Variants in C10orf105 observed in about 807,000 individuals in gnomAD.
The protein encoded by C10orf105 is chromosome 10 open reading frame 105.
Under a neutral mutation model 0.6 loss-of-function variants are expected in C10orf105, and 2 were observed. The observed-to-expected ratio is 3.18, with a 90% CI of 1.30 to 10.01. C10orf105 has a LOEUF of 10.01. C10orf105 is among the 30% of genes most tolerant of loss of function. The probability of loss-of-function intolerance (pLI) is 0.04; values close to 1 mark genes in which losing one functional copy is unlikely to be tolerated. For missense variants in C10orf105, 209 were observed against 191.4 expected (o/e 1.09, Z -0.54); for synonymous variants, 95 against 82.4 (o/e 1.15, Z -0.83).
chr10:71,732,685 A>C, intron 1 of C10orf105: 1 of 1,327,388 alleles, frequency 7.5e-7, no homozygotes, highest in Non-Finnish European at 9.6e-7. Flanking sequence ...TAACACATCC[A>C]TTTTCATATG....
At chr10:71,736,397 C>T in intron 1 of C10orf105, among the ~76,000 whole-genome samples, 1 of 152,244 alleles carries the variant, frequency 6.6e-6, no homozygotes, top group East Asian at 1.9e-4. Flanking sequence ...CTCCACCTGG[C>T]TCCTCCCTGT....
chr10:71,728,289 A>G (rs550878217), intron 1 of C10orf105, among the ~76,000 whole-genome samples: 1 of 151,208 alleles, frequency 6.6e-6, no homozygotes, highest in African/African-American at 2.4e-5. Flanking sequence ...TGGAGTGGAC[A>G]TGTTAGTTTG....
In C10orf105 at chr10:71,714,161, A is replaced by G. The variant is rs1866109229; in HGVS notation, c.*1775T>C. Reference sequence around the variant, plus strand: ...AGCCGGACTCACTTTTTGAGATCAGATTGACTTGGAAGGAAGGGACAGTGG... The same window carrying G: ...AGCCGGACTCACTTTTTGAGATCAGGTTGACTTGGAAGGAAGGGACAGTGG... On this transcript the variant is annotated 3_prime_UTR_variant, in exon 2 of 2. Coordinates refer to ENST00000441508, the MANE Select transcript of C10orf105 (RefSeq NM_001164375.3). 1.3e-5 allele frequency: 2 copies of G among 152,044 alleles called. No individual in the cohort carries two copies. The highest frequency in any genetic ancestry group is 4.2e-4 in the South Asian group (2 of 4,816). 9.4% of individuals were successfully genotyped at this position (152,044 alleles called of 1,614,324 possible).
chr10:71,718,661 C>T (rs764949889), intron 1 of C10orf105, among the ~76,000 whole-genome samples: 1 of 152,246 alleles, frequency 6.6e-6, no homozygotes, highest in Non-Finnish European at 1.5e-5. Flanking sequence ...ATGGGAGATG[C>T]CTCAATCCTA....
At chr10:71,724,358 T>C (rs1337835676), upstream of C10orf105, among the ~76,000 whole-genome samples, 1 of 152,206 alleles carries the variant, frequency 6.6e-6, no homozygotes, top group African/African-American at 2.4e-5. Flanking sequence ...AGTGGCGTGA[T>C]CTCGGCCTAC....
chr10:71,728,189 T>TC (rs965340988), intron 1 of C10orf105, among the ~76,000 whole-genome samples: 3 of 151,438 alleles, frequency 2.0e-5, no homozygotes, highest in Non-Finnish European at 4.4e-5. Flanking sequence ...CCATGCAAAC[T>TC]CCCCCCCGCA....
chr10:71,715,035 T>G lies in C10orf105; in HGVS notation c.*901A>C, dbSNP rs995147566. On this transcript the variant is annotated 3_prime_UTR_variant, in exon 2 of 2. Coordinates refer to ENST00000441508, the MANE Select transcript of C10orf105 (RefSeq NM_001164375.3). ...ATAGCATCCCTAGTGTGGGCAGGAC[T>G]TGGGACCCCACAGCTGTCCTGGAGA... is the stretch of plus-strand genomic sequence containing the variant. 1 of 152,254 alleles carries G rather than the reference T, an allele frequency of 6.6e-6. No individual in the cohort carries two copies. Among genetic ancestry groups the G allele is most frequent in the Non-Finnish European group, 1.5e-5 (1 of 68,062 alleles). 9.4% of individuals were successfully genotyped at this position (152,254 alleles called of 1,614,324 possible).
Position 71,719,777 on chromosome 10 carries a change from G to A in C10orf105, c.-156C>T, listed in dbSNP as rs1234230058. 6.6e-6 allele frequency: 1 copy of A among 152,568 alleles called. No individual in the cohort carries two copies. The highest frequency in any genetic ancestry group is 1.5e-5 in the Non-Finnish European group (1 of 68,292). The allele number at this position is 152,568 out of a possible 1,614,324, so 9.5% of individuals were successfully genotyped here. On this transcript the variant is annotated 5_prime_UTR_variant, in exon 1 of 2. Coordinates refer to ENST00000441508, the MANE Select transcript of C10orf105 (RefSeq NM_001164375.3). ...GCCCTCGGTCAGCCTGGCCAGCAGA[G>A]TGGCCTCCCCGTCACTCCCCAGCTG...
At chr10:71,722,640 G>A (rs923449990), upstream of C10orf105, among the ~76,000 whole-genome samples, 36 of 152,342 alleles carry the variant, frequency 2.4e-4, no homozygotes, top group African/African-American at 8.2e-4. Context: ...CCAGGGGTAG[G>A]GAAGGCCAGG....
intron 1 of C10orf105, chr10:71,734,217 C>T (rs982873765): frequency 6.3e-7 from 1 of 1,584,282 alleles, no homozygotes; most frequent in Non-Finnish European, 8.6e-7. Flanking sequence ...TTGTCACTCA[C>T]CCATCTGGCC....
chr10:71,732,111 G>GATGA lies in C10orf105; in HGVS notation c.-6+5613_-6+5616dup. On this transcript the variant is annotated intron_variant, in intron 1 of 1. Transcript: ENST00000398786. ...ACTACGAGACCAAGACCAGCTACAT[G>GATGA]ATGAATGTGTCGGCCACTGACCAGG... The GATGA allele has an allele frequency of 1.2e-6, 2 of 1,614,022 alleles. No homozygotes were observed. Among genetic ancestry groups the GATGA allele is most frequent in the Non-Finnish European group, 1.7e-6 (2 of 1,179,890 alleles).
chr10:71,729,936 A>G (rs974642595), intron 1 of C10orf105, among the ~76,000 whole-genome samples: 3 of 151,504 alleles, frequency 2.0e-5, no homozygotes, highest in African/African-American at 7.3e-5. Flanking sequence ...CCGGGTTCAC[A>G]CCATTCTCCT....
Position 71,734,289 on chromosome 10 carries a change from A to G in C10orf105, c.-6+3439T>C. On this transcript the variant is annotated intron_variant, in intron 1 of 1. Transcript: ENST00000398786. ...GTGGACCGTGAGAAGGGCGACTTCT[A>G]TACCTTGACAGTGGTGGCAGATGAC... 1 of 1,612,700 alleles carries G rather than the reference A, an allele frequency of 6.2e-7. No homozygotes were observed. Among genetic ancestry groups the G allele is most frequent in the South Asian group, 1.1e-5 (1 of 90,662 alleles).
At chr10:71,716,533 C>T in intron 1 of C10orf105, 191 bp from the exon 2 acceptor site, 3 of 500,754 alleles carry the variant, frequency 6.0e-6, no homozygotes, top group Non-Finnish European at 1.0e-5. Context: ...CACAGCTGAG[C>T]AGTGATGGAG....
At chr10:71,728,373 G>A (rs905673635) in intron 1 of C10orf105, among the ~76,000 whole-genome samples, 3 of 151,988 alleles carry the variant, frequency 2.0e-5, no homozygotes, top group Non-Finnish European at 2.9e-5. Context: ...TAGAAGCAGC[G>A]ATGCAGAGAA....
chr10:71,723,889 G>A (rs1866683304), upstream of C10orf105, among the ~76,000 whole-genome samples: 1 of 152,108 alleles, frequency 6.6e-6, no homozygotes, highest in Admixed American at 6.5e-5. Context: ...AGACATACAC[G>A]TCCCCTTGTC....
chr10:71,717,827 A>G (rs1290539985), intron 1 of C10orf105: 2 of 152,158 alleles, frequency 1.3e-5, no homozygotes, highest in Non-Finnish European at 2.9e-5. Flanking sequence ...CAGCTAATTC[A>G]AATTTGTTGA....
upstream of C10orf105, among the ~76,000 whole-genome samples, chr10:71,724,354 G>A (rs191705665): frequency 2.6e-5 from 4 of 152,186 alleles, no homozygotes; most frequent in African/African-American, 4.8e-5. Context: ...GTGCAGTGGC[G>A]TGATCTCGGC....
chr10:71,716,846 TATTTTCAAAATAATAACAG>T (rs1392574152), intron 1 of C10orf105: 1 of 153,406 alleles, frequency 6.5e-6, no homozygotes, highest in Admixed American at 6.5e-5. Context: ...TAATTATGAA[TATTTTCAAAATAATAACAG>T]ATTTCACAAA....
Sources: allele counts gnomAD v4.1 joint callset (sites outside exome capture counted in the v4.1 genomes callset), GRCh38; gene constraint gnomAD v4.1.1; transcripts MANE v1.5; gene names NCBI Gene and HGNC (gene_info 2026-07-23, HGNC 2026-07-21).